Variants in ITGB5 observed in about 807,000 individuals in gnomAD.
ITGB5 encodes the protein integrin subunit beta 5.
In ITGB5, 38 loss-of-function variants were observed where a neutral mutation model predicts 84.8. The observed-to-expected ratio is 0.45, with a 90% CI of 0.35 to 0.59. The LOEUF is 0.59. Ranked by LOEUF, ITGB5 falls within the 20% of genes least tolerant of loss-of-function variation. ITGB5 has a pLI of 0.01. For synonymous variants in ITGB5, 393 were observed against 414.4 expected, an observed-to-expected ratio of 0.95 and a Z score of 0.63; for missense variants, 905 against 1,034.5, an observed-to-expected ratio of 0.87 and a Z score of 1.72.
At chr3:124,837,407 C>T (rs1559961031) in intron 5 of ITGB5, among the ~76,000 whole-genome samples, 1 of 152,190 alleles carries the variant, frequency 6.6e-6, no homozygotes, top group Non-Finnish European at 1.5e-5. Flanking sequence ...TAAGAAATTA[C>T]AGGCAGTGGC....
At chr3:124,771,748 C>CAAAAAG (rs760048208) in intron 11 of ITGB5, among the ~76,000 whole-genome samples, 1 of 69,156 alleles carries the variant, frequency 1.4e-5, no homozygotes, top group Non-Finnish European at 2.9e-5. Context: ...GACCCTGTCT[C>CAAAAAG]AAAAAAAAAA....
At chr3:124,840,667 T>TC (rs1237152611) in intron 5 of ITGB5, among the ~76,000 whole-genome samples, 1 of 151,580 alleles carries the variant, frequency 6.6e-6, no homozygotes, top group Non-Finnish European at 1.5e-5. Context: ...TCTTTCTTTT[T>TC]TTTTTTTTTA....
At chr3:124,892,499 G>C (rs1161143475), upstream of ITGB5, among the ~76,000 whole-genome samples, 5 of 147,880 alleles carry the variant, frequency 3.4e-5, no homozygotes, top group Non-Finnish European at 7.4e-5. Context: ...AGACCAGCCT[G>C]GGCAACATGG....
At chr3:124,794,765 G>A (rs936499663) in intron 10 of ITGB5, among the ~76,000 whole-genome samples, 1 of 149,952 alleles carries the variant, frequency 6.7e-6, no homozygotes, top group Non-Finnish European at 1.5e-5. Flanking sequence ...CTAGGCAACA[G>A]AGCGAGACTT....
chr3:124,859,497 G>A (rs756085475), intron 2 of ITGB5, 51 bp from the exon 3 acceptor site: 22 of 1,458,022 alleles, frequency 1.5e-5, no homozygotes, highest in East Asian at 9.1e-5. Flanking sequence ...GGTGTCTCCC[G>A]AAAACATCGC....
At chr3:124,841,167 C>T (rs1156448329) in intron 5 of ITGB5, among the ~76,000 whole-genome samples, 3 of 152,212 alleles carry the variant, frequency 2.0e-5, no homozygotes, top group Non-Finnish European at 4.4e-5. Flanking sequence ...CACACCCTGA[C>T]ACAGAGACAC....
At position 124,863,770 on chromosome 3, in the gene ITGB5, G is replaced by A. The variant is rs915454166; in HGVS notation, c.157-4324C>T. Among the ~76,000 whole-genome samples, 6 of 152,176 alleles carry A rather than the reference G, an allele frequency of 3.9e-5. No homozygotes were observed. In the East Asian group the frequency reaches 5.8e-4, roughly 15 times the overall value. The stretch of plus-strand genomic sequence containing the variant: ...CTGACCTCAGATGATCGCCATGGCC[G>A]CCCAAAATGCTGGGCTTACAGGCAT... On this transcript the variant is annotated intron_variant, in intron 2 of 14. Transcript: ENST00000296181.
chr3:124,770,571 GA>G lies in ITGB5; in HGVS notation c.1917-1459del, dbSNP rs796652628. ...GCAGAAACTGCGAAGTGGAGGAGCA[GA>G]ACTGGACGGGAGCTCTGAGACCATT... On this transcript the variant is annotated intron_variant, in intron 11 of 14. Coordinates refer to ENST00000296181, the MANE Select transcript of ITGB5 (RefSeq NM_002213.5). 2.2e-4 allele frequency among the ~76,000 whole-genome samples: 33 copies of G among 152,342 alleles called. 1 individual carries two copies. The highest frequency in any genetic ancestry group is 7.7e-4 in the African/African-American group (32 of 41,582).
intron 2 of ITGB5, among the ~76,000 whole-genome samples, chr3:124,870,802 CAGAT>C (rs149154728): frequency 0.023 from 3,525 of 150,920 alleles, 126 homozygotes; most frequent in African/African-American, 0.081. Context: ...GATAAATAGA[CAGAT>C]GGATGGATGG....
chr3:124,796,690 C>A lies in ITGB5; in HGVS notation c.1391G>T (p.Gly464Val). Reference protein sequence around the residue: ...EVGVTYNCTCGCSVGLEPNSA... With the variant: ...EVGVTYNCTCVCSVGLEPNSA... ...GTTGGGTTCCAGCCCCACGCTGCAG[C>A]CGCACGTGCAGTTGTAGGTGACCCC... The change falls in exon 10 of 15, where the codon GGC becomes GTC. Residue 464 changes from glycine to valine, a missense_variant. Around this residue, in one of 3 missense-constraint regions of ITGB5, gnomAD observed 656 missense variants for 734.7 expected, o/e 0.89. Transcript: ENST00000296181. 1 of 1,614,080 alleles carries A rather than the reference C, an allele frequency of 6.2e-7. No homozygotes were observed. The highest frequency in any genetic ancestry group is 2.2e-5 in the East Asian group (1 of 44,868).
At chr3:124,879,472 C>T (rs1013353640) in intron 1 of ITGB5, among the ~76,000 whole-genome samples, 5 of 152,202 alleles carry the variant, frequency 3.3e-5, no homozygotes, top group Admixed American at 2.6e-4. Context: ...AGTATAGACT[C>T]CAGCAACTAA....
intron 3 of ITGB5, 103 bp downstream of exon 3, chr3:124,859,139 A>T: frequency 8.9e-7 from 1 of 1,117,758 alleles, no homozygotes; most frequent in Non-Finnish European, 1.3e-6. Flanking sequence ...CGTGGCTCTG[A>T]TCTCAGCCTG....
chr3:124,895,939 G>A (rs980372922), intron 1 of ITGB5, among the ~76,000 whole-genome samples: 1 of 152,202 alleles, frequency 6.6e-6, no homozygotes, highest in East Asian at 1.9e-4. Flanking sequence ...GGAAAGTGAA[G>A]GGCCTGGTCC....
At chr3:124,819,662 A>G in intron 7 of ITGB5, 77 bp downstream of exon 7, 1 of 1,025,226 alleles carries the variant, frequency 9.8e-7, no homozygotes, top group South Asian at 1.3e-5. Context: ...AATTTCCCCC[A>G]GATAGGCAGA....
intron 1 of ITGB5, among the ~76,000 whole-genome samples, chr3:124,876,669 G>T (rs1044248864): frequency 6.6e-6 from 1 of 152,176 alleles, no homozygotes; most frequent in Non-Finnish European, 1.5e-5. Flanking sequence ...GAACCCACAG[G>T]GGGTGAGAAC....
intron 9 of ITGB5, among the ~76,000 whole-genome samples, chr3:124,798,837 A>G (rs1240420051): frequency 1.3e-5 from 2 of 152,228 alleles, no homozygotes; most frequent in Non-Finnish European, 2.9e-5. Context: ...ATGCTGTGAC[A>G]TCTAGGGACA....
intron 8 of ITGB5, among the ~76,000 whole-genome samples, chr3:124,816,149 A>C (rs1010479056): frequency 2.0e-5 from 3 of 152,096 alleles, no homozygotes; most frequent in Admixed American, 6.5e-5. Context: ...CAAGCCAAAA[A>C]TCCTCACTGC....
intron 2 of ITGB5, among the ~76,000 whole-genome samples, chr3:124,870,812 G>C (rs530392394): frequency 6.6e-6 from 1 of 152,216 alleles, no homozygotes; most frequent in Admixed American, 6.5e-5. Context: ...CAGATGGATG[G>C]ATGGATAAAT....
chr3:124,779,163 C>T (rs890181978), intron 10 of ITGB5, among the ~76,000 whole-genome samples: 1 of 151,978 alleles, frequency 6.6e-6, no homozygotes, highest in Non-Finnish European at 1.5e-5. Context: ...CGGAGACCCA[C>T]GTGTAGTACA....
Sources: allele counts gnomAD v4.1 joint callset (sites outside exome capture counted in the v4.1 genomes callset), GRCh38; gene constraint gnomAD v4.1.1; regional missense constraint gnomAD v4.1.1; transcripts MANE v1.5; gene names NCBI Gene and HGNC (gene_info 2026-07-23, HGNC 2026-07-21).